Variants in TECRL observed in about 807,000 individuals in gnomAD.
TECRL encodes trans-2,3-enoyl-CoA reductase like, also known as trans-2,3-enoyl-CoA reductase-like.
In TECRL, 63 loss-of-function variants were observed where a neutral mutation model predicts 52.8. The observed-to-expected ratio is 1.19, with a 90% CI of 0.97 to 1.47. The LOEUF (loss-of-function observed/expected upper bound fraction) is 1.47. Among genes scored for constraint, TECRL ranks in the 40% most tolerant of loss-of-function variants. The pLI is 0.00. For synonymous variants in TECRL, 164 were observed against 141.9 expected, an observed-to-expected ratio of 1.16 and a Z score of -1.10; for missense variants, 482 against 429.6, an observed-to-expected ratio of 1.12 and a Z score of -1.08.
intron 8 of TECRL, among the ~76,000 whole-genome samples, chr4:64,296,834 T>C (rs1723714081): frequency 6.6e-6 from 1 of 151,744 alleles, no homozygotes. Context: ...TCACAATATT[T>C]ACATCAGACA....
chr4:64,378,806 T>C (rs1396540345), intron 1 of TECRL, among the ~76,000 whole-genome samples: 1 of 152,058 alleles, frequency 6.6e-6, no homozygotes, highest in Non-Finnish European at 1.5e-5. Flanking sequence ...ATACTATGGT[T>C]TCTCTTCAGA....
chr4:64,386,108 G>A (rs1723162529), intron 1 of TECRL, among the ~76,000 whole-genome samples: 1 of 152,034 alleles, frequency 6.6e-6, no homozygotes. Context: ...TATAACTTTT[G>A]ATTCCCCAAA....
In TECRL at chr4:64,409,290, G is replaced by A. The variant is rs753417723; in HGVS notation, c.62C>T (p.Ala21Val). The A allele has an allele frequency of 3.9e-5, 63 of 1,613,742 alleles. 1 individual carries two copies. The South Asian group carries it at 6.6e-4, about 17-fold the overall frequency. Reference sequence around the variant, plus strand: ...ATCATCCTTCAGTATGAACCGTGTAGCTCTTTGGGAAAGTAATGCTCTCTT... The same window carrying A: ...ATCATCCTTCAGTATGAACCGTGTAACTCTTTGGGAAAGTAATGCTCTCTT... ...ERKRALLSQRATRFILKDDMR... is the reference protein window; with the variant it reads ...ERKRALLSQRVTRFILKDDMR... Residue 21 changes from alanine to valine, a missense_variant, in exon 1 of 12, where the codon GCT becomes GTT. Ala to Val is a moderately conservative substitution (Grantham distance 64). Transcript: ENST00000381210.
intron 1 of TECRL, among the ~76,000 whole-genome samples, chr4:64,390,015 G>C (rs978878839): frequency 6.6e-6 from 1 of 151,804 alleles, no homozygotes. Flanking sequence ...ATATACCTGG[G>C]AGCTACTGAC....
intron 2 of TECRL, among the ~76,000 whole-genome samples, chr4:64,374,353 A>C (rs912317711): frequency 2.7e-5 from 4 of 150,304 alleles, no homozygotes; most frequent in Non-Finnish European, 5.9e-5. Context: ...TTTTTTCTTT[A>C]TGGGAAGGTT....
At chr4:64,371,751 C>T (rs1721985865) in intron 2 of TECRL, among the ~76,000 whole-genome samples, 1 of 151,624 alleles carries the variant, frequency 6.6e-6, no homozygotes, top group Non-Finnish European at 1.5e-5. Context: ...TATTGAAGTT[C>T]GTTTCTACTT....
At chr4:64,320,726 CAA>C (rs1356046309) in intron 4 of TECRL, among the ~76,000 whole-genome samples, 1 of 152,034 alleles carries the variant, frequency 6.6e-6, no homozygotes, top group African/African-American at 2.4e-5. Flanking sequence ...TAAATGTGGA[CAA>C]AGACCCTGTG....
At chr4:64,394,375 T>C (rs1195771717) in intron 1 of TECRL, among the ~76,000 whole-genome samples, 4 of 152,142 alleles carry the variant, frequency 2.6e-5, no homozygotes, top group Non-Finnish European at 4.4e-5. Context: ...TATTAGTGTC[T>C]TTTGAAAGTT....
chr4:64,394,303 T>A (rs1723768889), intron 1 of TECRL, among the ~76,000 whole-genome samples: 1 of 152,136 alleles, frequency 6.6e-6, no homozygotes, highest in Non-Finnish European at 1.5e-5. Context: ...AAGAGACAAC[T>A]ATCAAACATA....
At chr4:64,329,431 G>A (rs1718478684) in intron 2 of TECRL, among the ~76,000 whole-genome samples, 1 of 151,674 alleles carries the variant, frequency 6.6e-6, no homozygotes, top group African/African-American at 2.4e-5. Flanking sequence ...TCATGGAAAT[G>A]AGAAACCATG....
At chr4:64,303,655 C>A (rs565727122) in intron 7 of TECRL, among the ~76,000 whole-genome samples, 8 of 151,796 alleles carry the variant, frequency 5.3e-5, no homozygotes, top group South Asian at 2.1e-4. Flanking sequence ...ATGTGCCAAC[C>A]ATTTAGCATT....
At chr4:64,314,998 T>A (rs1241891572) in intron 4 of TECRL, among the ~76,000 whole-genome samples, 1 of 152,158 alleles carries the variant, frequency 6.6e-6, no homozygotes, top group Non-Finnish European at 1.5e-5. Context: ...ACTGGTTTCT[T>A]TCTTCAGATA....
At chr4:64,356,274 C>T (rs146832763) in intron 2 of TECRL, among the ~76,000 whole-genome samples, 16 of 152,146 alleles carry the variant, frequency 1.1e-4, no homozygotes, top group Non-Finnish European at 1.9e-4. Context: ...AAGACCTGAC[C>T]GTCCCCCAGC....
intron 1 of TECRL, among the ~76,000 whole-genome samples, chr4:64,378,246 A>G: frequency 6.7e-6 from 1 of 150,184 alleles, no homozygotes; most frequent in South Asian, 2.1e-4. Flanking sequence ...AGGAAAATGG[A>G]AAAAAATAGG....
chr4:64,295,678 A>G (rs1379997767), intron 8 of TECRL, among the ~76,000 whole-genome samples: 1 of 151,842 alleles, frequency 6.6e-6, no homozygotes, highest in African/African-American at 2.4e-5. Context: ...TTTTTACATT[A>G]GATTCGATAT....
chr4:64,294,814 C>T (rs898080183), intron 8 of TECRL, among the ~76,000 whole-genome samples: 3 of 151,778 alleles, frequency 2.0e-5, no homozygotes, highest in Non-Finnish European at 2.9e-5. Context: ...TTACCTGAAT[C>T]AATATTTCAA....
At chr4:64,308,074 G>C (rs746161396) in intron 6 of TECRL, among the ~76,000 whole-genome samples, 2 of 152,064 alleles carry the variant, frequency 1.3e-5, no homozygotes, top group African/African-American at 4.8e-5. Context: ...TTATCTCCCC[G>C]TTCCACCTAA....
At chr4:64,332,211 G>T (rs1305927521) in intron 2 of TECRL, among the ~76,000 whole-genome samples, 4 of 152,010 alleles carry the variant, frequency 2.6e-5, no homozygotes, top group African/African-American at 9.7e-5. Context: ...GAGCCTAATG[G>T]GACAAAAATC....
At chr4:64,301,754 G>A (rs1038318126) in intron 7 of TECRL, among the ~76,000 whole-genome samples, 2 of 151,068 alleles carry the variant, frequency 1.3e-5, no homozygotes, top group African/African-American at 4.8e-5. Flanking sequence ...AGGGTTCAAA[G>A]CACATTAGGC....
Sources: allele counts gnomAD v4.1 joint callset (sites outside exome capture counted in the v4.1 genomes callset), GRCh38; gene constraint gnomAD v4.1.1; transcripts MANE v1.5; gene names NCBI Gene and HGNC (gene_info 2026-07-23, HGNC 2026-07-21).